Variants in ESRRG observed in about 807,000 individuals in gnomAD.
ESRRG encodes estrogen related receptor gamma.
ESRRG carries 13 observed loss-of-function variants against 44.0 expected under a neutral mutation model. That is an observed-to-expected ratio of 0.30 (90% confidence interval 0.19 to 0.47). The LOEUF (loss-of-function observed/expected upper bound fraction) is 0.47, where lower values mean the gene tolerates loss of function less well. ESRRG is among the 20% of genes least tolerant of loss of function. The pLI is 1.00. For synonymous variants in ESRRG, 215 were observed against 214.6 expected, an observed-to-expected ratio of 1.00 and a Z score of -0.02; for missense variants, 395 against 580.6, an observed-to-expected ratio of 0.68 and a Z score of 3.29.
chr1:216,506,767 C>A lies in ESRRG; in HGVS notation c.*172G>T. 1 of 684,228 alleles carries A rather than the reference C, an allele frequency of 1.5e-6. No individual in the cohort carries two copies. Among genetic ancestry groups the A allele is most frequent in the South Asian group, 1.9e-5 (1 of 53,264 alleles). The allele number at this position is 684,228 out of a possible 1,614,324, so 42.4% of individuals were successfully genotyped here. A position where few individuals can be genotyped will look rare whatever the true frequency, so the allele number is the denominator to read the frequency against. On this transcript the variant is annotated 3_prime_UTR_variant, in exon 7 of 7. Coordinates refer to ENST00000408911, the MANE Select transcript of ESRRG (RefSeq NM_001438.4). The stretch of plus-strand genomic sequence containing the variant: ...ATGGAGAAAGTAGAAAGAAACTCAT[C>A]AGGAACCTATGGAGGAATCTGAAAG...
At chr1:216,977,800 G>T (rs1254461107) in intron 1 of ESRRG, among the ~76,000 whole-genome samples, 1 of 152,180 alleles carries the variant, frequency 6.6e-6, no homozygotes, top group South Asian at 2.1e-4. Flanking sequence ...GGGTCTTTAA[G>T]AGGTGATCAG....
chr1:217,100,149 C>T (rs1408492750), intron 1 of ESRRG, among the ~76,000 whole-genome samples: 2 of 152,194 alleles, frequency 1.3e-5, no homozygotes, highest in African/African-American at 2.4e-5. Context: ...TCTAGACATT[C>T]TGGGAATTCC....
chr1:216,814,873 T>G (rs533044234), intron 2 of ESRRG, among the ~76,000 whole-genome samples: 4 of 152,318 alleles, frequency 2.6e-5, no homozygotes, highest in African/African-American at 9.6e-5. Flanking sequence ...AATTTGATAA[T>G]TTTAGCTGTG....
At chr1:216,855,838 T>G (rs2095926063) in intron 2 of ESRRG, among the ~76,000 whole-genome samples, 1 of 152,132 alleles carries the variant, frequency 6.6e-6, no homozygotes. Flanking sequence ...TGCAAAGGAC[T>G]GTGCAGAGTG....
At chr1:216,828,127 C>G (rs760190589) in intron 2 of ESRRG, among the ~76,000 whole-genome samples, 1 of 152,164 alleles carries the variant, frequency 6.6e-6, no homozygotes, top group Non-Finnish European at 1.5e-5. Context: ...CAAGAAAGAA[C>G]CAGAGCTTGC....
intron 2 of ESRRG, among the ~76,000 whole-genome samples, chr1:216,937,569 G>T (rs969294329): frequency 6.6e-6 from 1 of 152,134 alleles, no homozygotes; most frequent in African/African-American, 2.4e-5. Flanking sequence ...AACCACTGAA[G>T]CTCAGCAACA....
intron 2 of ESRRG, among the ~76,000 whole-genome samples, chr1:216,832,123 A>G (rs1370553272): frequency 6.6e-6 from 1 of 152,212 alleles, no homozygotes; most frequent in Non-Finnish European, 1.5e-5. Flanking sequence ...AGCAAGCGCT[A>G]CACAATAGCT....
At chr1:216,714,740 T>G (rs1344124974) in intron 1 of ESRRG, 2 of 164,682 alleles carry the variant, frequency 1.2e-5, no homozygotes, top group African/African-American at 4.8e-5. Flanking sequence ...TATAAAGACA[T>G]GAAAAAAGAA....
chr1:216,958,782 T>G (rs1044769809), intron 1 of ESRRG, among the ~76,000 whole-genome samples: 14 of 152,130 alleles, frequency 9.2e-5, no homozygotes, highest in African/African-American at 3.4e-4. Context: ...CTCCATCTGC[T>G]TAGACTCTTC....
At chr1:216,670,701 A>G (rs574350110) in intron 2 of ESRRG, among the ~76,000 whole-genome samples, 26 of 152,272 alleles carry the variant, frequency 1.7e-4, no homozygotes, top group African/African-American at 6.3e-4. Flanking sequence ...TCTGGTGTGC[A>G]CATTAGACCT....
chr1:217,065,493 A>G (rs2089477882), intron 1 of ESRRG, among the ~76,000 whole-genome samples: 1 of 152,164 alleles, frequency 6.6e-6, no homozygotes, highest in Non-Finnish European at 1.5e-5. Context: ...AGTGGATCTG[A>G]CCCACTCTGA....
chr1:216,800,085 A>G (rs1288726043), intron 2 of ESRRG, among the ~76,000 whole-genome samples: 1 of 152,226 alleles, frequency 6.6e-6, no homozygotes, highest in Non-Finnish European at 1.5e-5. Flanking sequence ...AATGTAGACT[A>G]AAAATTCGGT....
intron 1 of ESRRG, among the ~76,000 whole-genome samples, chr1:216,712,832 T>A (rs1190343634): frequency 6.6e-6 from 1 of 152,226 alleles, no homozygotes; most frequent in Non-Finnish European, 1.5e-5. Flanking sequence ...TGGAGCCCAG[T>A]TGTTTTTAGT....
chr1:216,506,186 CTAAT>C lies in ESRRG; in HGVS notation c.*749_*752del, dbSNP rs2041166771. 3 of 153,514 alleles carry C rather than the reference CTAAT, an allele frequency of 2.0e-5. No homozygotes were observed. The highest frequency in any genetic ancestry group is 1.9e-4 in the Admixed American group (3 of 15,408). The allele number at this position is 153,514 out of a possible 1,614,324, so 9.5% of individuals were successfully genotyped here. A position where few individuals can be genotyped will look rare whatever the true frequency, so the allele number is the denominator to read the frequency against. On this transcript the variant is annotated 3_prime_UTR_variant, in exon 7 of 7. Coordinates refer to ENST00000408911, the MANE Select transcript of ESRRG (RefSeq NM_001438.4). ...GCCGATGCAACGTTGCTTAAGTTGTCTAATTAGAGGCTGCTCCCATGAAATCTAA... is the reference window on the plus strand; with the variant it reads ...GCCGATGCAACGTTGCTTAAGTTGTCTAGAGGCTGCTCCCATGAAATCTAA...
intron 3 of ESRRG, among the ~76,000 whole-genome samples, chr1:216,570,160 G>C (rs2060517619): frequency 1.3e-5 from 2 of 152,262 alleles, no homozygotes; most frequent in East Asian, 1.9e-4. Flanking sequence ...TCTAGATAAA[G>C]CCTGAATTGT....
intron 5 of ESRRG, among the ~76,000 whole-genome samples, chr1:216,550,554 G>A (rs147858698): frequency 0.014 from 2,123 of 152,200 alleles, 20 homozygotes; most frequent in Middle Eastern, 0.051. Context: ...TAAACAAAGG[G>A]ATGCTAAGAG....
chr1:217,085,672 G>T (rs1239423791), intron 1 of ESRRG, among the ~76,000 whole-genome samples: 1 of 151,198 alleles, frequency 6.6e-6, no homozygotes, highest in East Asian at 1.9e-4. Flanking sequence ...TGTATTTTTG[G>T]TAGAGACAGG....
chr1:216,702,726 G>A (rs1559311708), intron 1 of ESRRG, among the ~76,000 whole-genome samples: 4 of 145,800 alleles, frequency 2.7e-5, no homozygotes, highest in South Asian at 2.2e-4. Flanking sequence ...GCAGTGAGCC[G>A]AGATCACGCC....
At chr1:216,982,053 A>G (rs1362512950) in intron 1 of ESRRG, among the ~76,000 whole-genome samples, 1 of 152,020 alleles carries the variant, frequency 6.6e-6, no homozygotes, top group Non-Finnish European at 1.5e-5. Context: ...TATTCTCCAT[A>G]TTTTTCTCCT....
Sources: gnomAD v4.1 joint callset for allele counts (sites outside exome capture counted in the v4.1 genomes callset) on GRCh38, gnomAD v4.1.1 for gene constraint, MANE v1.5 for transcripts, NCBI Gene and HGNC (gene_info 2026-07-23, HGNC 2026-07-21) for gene names.